Variants in MAF observed in about 807,000 individuals in gnomAD.
MAF encodes the protein transcription factor Maf.
A neutral mutation model predicts 22.0 loss-of-function variants in MAF; 10 were observed. The ratio of observed to expected loss-of-function variants is 0.45; its 90% confidence interval spans 0.28 to 0.77. The LOEUF (loss-of-function observed/expected upper bound fraction) is 0.77, where lower values mean the gene tolerates loss of function less well. MAF is among the 30% of genes least tolerant of loss of function. The pLI, the probability that MAF is intolerant of heterozygous loss-of-function variation, is 0.12. For missense variants in MAF, 544 were observed against 548.4 expected (o/e 0.99, Z 0.08); for synonymous variants, 337 against 255.8 (o/e 1.32, Z -3.03).
the MAF span, among the ~76,000 whole-genome samples, chr16:79,245,270 G>A: frequency 6.6e-6 from 1 of 152,034 alleles, no homozygotes; most frequent in East Asian, 1.9e-4. Flanking sequence ...TATCGTTGGA[G>A]TGAACAGGAA....
the MAF span, among the ~76,000 whole-genome samples, chr16:79,314,647 C>T: frequency 6.6e-6 from 1 of 152,220 alleles, no homozygotes; most frequent in Non-Finnish European, 1.5e-5. Context: ...TTAGCTGGAG[C>T]AAATGCCGGC....
chr16:79,406,316 T>A, the MAF span, among the ~76,000 whole-genome samples: 4 of 152,326 alleles, frequency 2.6e-5, no homozygotes, highest in African/African-American at 9.6e-5. Context: ...AGGATTCACA[T>A]GGTTTCTTAG....
the MAF span, among the ~76,000 whole-genome samples, chr16:79,305,148 G>A: frequency 6.6e-6 from 1 of 152,206 alleles, no homozygotes; most frequent in South Asian, 2.1e-4. Flanking sequence ...GCAGGCCAGG[G>A]GCTGGTCCCA....
the MAF span, among the ~76,000 whole-genome samples, chr16:79,291,959 T>G: frequency 6.6e-6 from 1 of 151,340 alleles, no homozygotes; most frequent in Non-Finnish European, 1.5e-5. Context: ...CAGTAGGGCC[T>G]GGCTCCATTC....
At chr16:79,207,802 A>C in the MAF span, among the ~76,000 whole-genome samples, 2 of 150,656 alleles carry the variant, frequency 1.3e-5, no homozygotes, top group African/African-American at 2.4e-5. Flanking sequence ...TTTTTTCTTT[A>C]CCATATATTG....
the MAF span, among the ~76,000 whole-genome samples, chr16:79,436,339 T>C: frequency 6.6e-6 from 1 of 152,218 alleles, no homozygotes; most frequent in Non-Finnish European, 1.5e-5. Flanking sequence ...CGCTTCAGCC[T>C]CCCAAAGTGC....
chr16:79,549,962 CA>C, the MAF span, among the ~76,000 whole-genome samples: 36 of 152,180 alleles, frequency 2.4e-4, no homozygotes, highest in African/African-American at 8.7e-4. Flanking sequence ...TGAGATACTA[CA>C]CAAAGACAAT....
the MAF span, among the ~76,000 whole-genome samples, chr16:79,506,946 A>G: frequency 2.6e-5 from 4 of 152,214 alleles, no homozygotes; most frequent in African/African-American, 9.7e-5. Flanking sequence ...AGGGGTGTAT[A>G]GGAACTCCTG....
chr16:79,475,156 T>C, the MAF span, among the ~76,000 whole-genome samples: 22 of 152,278 alleles, frequency 1.4e-4, no homozygotes, highest in Middle Eastern at 3.4e-3. Flanking sequence ...CATCTCATAA[T>C]AAACACAAAC....
At chr16:79,371,136 T>A in the MAF span, among the ~76,000 whole-genome samples, 1 of 152,176 alleles carries the variant, frequency 6.6e-6, no homozygotes, top group Non-Finnish European at 1.5e-5. Context: ...CACATTTTTT[T>A]TTTTTTGGTG....
chr16:79,322,237 G>T, the MAF span, among the ~76,000 whole-genome samples: 2 of 152,050 alleles, frequency 1.3e-5, no homozygotes. Context: ...CACCTCAAAA[G>T]AAATAATAAG....
At chr16:79,480,291 T>C in the MAF span, among the ~76,000 whole-genome samples, 1 of 152,062 alleles carries the variant, frequency 6.6e-6, no homozygotes, top group Non-Finnish European at 1.5e-5. Context: ...CGGGTGAAAC[T>C]GGGCAGGCAG....
At chr16:79,450,877 A>C in the MAF span, among the ~76,000 whole-genome samples, 1 of 152,098 alleles carries the variant, frequency 6.6e-6, no homozygotes, top group African/African-American at 2.4e-5. Flanking sequence ...AGCAGCACAG[A>C]AGAAATTAAG....
the MAF span, among the ~76,000 whole-genome samples, chr16:79,216,178 T>C: frequency 6.9e-6 from 1 of 145,734 alleles, no homozygotes; most frequent in Non-Finnish European, 1.5e-5. Context: ...TGCACGTGTA[T>C]ATGTATATAT....
the MAF span, among the ~76,000 whole-genome samples, chr16:79,295,671 G>C: frequency 3.3e-5 from 5 of 152,228 alleles, no homozygotes; most frequent in Non-Finnish European, 7.3e-5. Context: ...TGAGCCCTAA[G>C]ACATATTCTC....
chr16:79,223,516 G>T, the MAF span, among the ~76,000 whole-genome samples: 6 of 152,124 alleles, frequency 3.9e-5, no homozygotes, highest in Admixed American at 3.9e-4. Context: ...TAAGATCAGA[G>T]CAGAACTGAA....
the MAF span, chr16:79,212,101 A>T: frequency 6.5e-7 from 1 of 1,536,024 alleles, no homozygotes; most frequent in Non-Finnish European, 8.7e-7. Flanking sequence ...AGCACCAGCA[A>T]TTCTCTTTCT....
the MAF span, among the ~76,000 whole-genome samples, chr16:79,471,219 G>C: frequency 1.3e-5 from 2 of 152,204 alleles, no homozygotes; most frequent in African/African-American, 4.8e-5. Context: ...CTTTACAGCA[G>C]AGCTTCTCTA....
chr16:79,432,791 G>A, the MAF span, among the ~76,000 whole-genome samples: 80 of 152,130 alleles, frequency 5.3e-4, 2 homozygotes, highest in South Asian at 8.3e-4. Flanking sequence ...GAGATCAGGC[G>A]ATGCATGTAC....
Sources: gnomAD v4.1 joint callset for allele counts (sites outside exome capture counted in the v4.1 genomes callset) on GRCh38, gnomAD v4.1.1 for gene constraint, MANE v1.5 for transcripts, NCBI Gene and HGNC (gene_info 2026-07-23, HGNC 2026-07-21) for gene names.